The following CNTN4 variants were observed in gnomAD, a reference collection of about 807,000 sequenced individuals.
CNTN4 encodes contactin-4.
A neutral mutation model predicts 122.5 loss-of-function variants in CNTN4; 77 were observed. That is an observed-to-expected ratio of 0.63 (90% CI 0.52 to 0.76). The LOEUF (loss-of-function observed/expected upper bound fraction) is 0.76. Among genes scored for constraint, CNTN4 ranks in the 30% least tolerant of loss-of-function variants. The probability of loss-of-function intolerance (pLI) is 0.00; values close to 1 mark genes in which losing one functional copy is unlikely to be tolerated. For missense variants in CNTN4, 1,256 were observed against 1,259.1 expected (o/e 1.00, Z 0.04); for synonymous variants, 512 against 447.0 (o/e 1.15, Z -1.83).
At chr3:2,576,135 G>A (rs553543419) in intron 4 of CNTN4, among the ~76,000 whole-genome samples, 25 of 151,976 alleles carry the variant, frequency 1.6e-4, no homozygotes, top group South Asian at 8.3e-4. Context: ...ACGCCCAGCC[G>A]CTTTCTTCTT....
At chr3:2,476,549 T>C (rs1575719084) in intron 3 of CNTN4, among the ~76,000 whole-genome samples, 2 of 152,302 alleles carry the variant, frequency 1.3e-5, no homozygotes, top group South Asian at 4.1e-4. Context: ...AACATTTTGC[T>C]AAGTCAATGA....
At chr3:2,535,166 G>T (rs1038095579) in intron 3 of CNTN4, among the ~76,000 whole-genome samples, 6 of 152,088 alleles carry the variant, frequency 3.9e-5, no homozygotes, top group Non-Finnish European at 8.8e-5. Context: ...TTGCCCGTAA[G>T]ATGCCTTTCA....
intron 2 of CNTN4, chr3:2,144,005 C>G (rs1473995009): frequency 6.6e-6 from 1 of 152,172 alleles, no homozygotes; most frequent in Non-Finnish European, 1.5e-5. Flanking sequence ...TCTGAGCCTC[C>G]TTTCTGGGTT....
At chr3:2,136,986 C>T (rs994392741) in intron 2 of CNTN4, among the ~76,000 whole-genome samples, 14 of 152,094 alleles carry the variant, frequency 9.2e-5, no homozygotes, top group South Asian at 4.1e-4. Context: ...AACAACCCAC[C>T]GTTCTTAAAT....
chr3:2,784,907 G>A (rs541955895), intron 6 of CNTN4, among the ~76,000 whole-genome samples: 3 of 152,236 alleles, frequency 2.0e-5, no homozygotes, highest in East Asian at 1.9e-4. Context: ...ATGAGTATAG[G>A]GAAGATTTTA....
intron 13 of CNTN4, among the ~76,000 whole-genome samples, chr3:2,944,498 T>C (rs1303007895): frequency 6.6e-6 from 1 of 152,276 alleles, no homozygotes; most frequent in Non-Finnish European, 1.5e-5. Context: ...TGCTCCTCCA[T>C]AGAACCATTT....
chr3:2,872,866 A>G (rs1366508760), intron 8 of CNTN4, among the ~76,000 whole-genome samples: 1 of 152,184 alleles, frequency 6.6e-6, no homozygotes, highest in African/African-American at 2.4e-5. Context: ...AAAATGTTTA[A>G]AATGTTTATG....
At chr3:2,674,543 G>A (rs750728191) in intron 4 of CNTN4, among the ~76,000 whole-genome samples, 3 of 152,294 alleles carry the variant, frequency 2.0e-5, no homozygotes, top group Middle Eastern at 6.8e-3. Flanking sequence ...GATCACTTGA[G>A]GTCAGGAGTT....
intron 6 of CNTN4, among the ~76,000 whole-genome samples, chr3:2,754,002 G>A (rs937703998): frequency 1.3e-5 from 2 of 152,176 alleles, no homozygotes; most frequent in Non-Finnish European, 2.9e-5. Context: ...CAAGTAGGCT[G>A]TAAAGCATTT....
At chr3:2,714,113 C>G (rs1056104850) in intron 4 of CNTN4, among the ~76,000 whole-genome samples, 6 of 152,112 alleles carry the variant, frequency 3.9e-5, no homozygotes, top group Middle Eastern at 3.2e-3. Flanking sequence ...GTAGTGATCA[C>G]TCATTATTGA....
intron 4 of CNTN4, among the ~76,000 whole-genome samples, chr3:2,684,841 A>G (rs936604194): frequency 6.6e-6 from 1 of 152,216 alleles, no homozygotes; most frequent in African/African-American, 2.4e-5. Context: ...ACAGATTAAA[A>G]TGATAAAAGG....
intron 3 of CNTN4, among the ~76,000 whole-genome samples, chr3:2,463,833 C>T (rs1355674887): frequency 2.6e-5 from 4 of 152,126 alleles, no homozygotes; most frequent in Non-Finnish European, 5.9e-5. Flanking sequence ...TCTCACCCTG[C>T]TTCTTTGTGT....
At chr3:2,372,904 C>T (rs867672396) in intron 3 of CNTN4, among the ~76,000 whole-genome samples, 19 of 152,008 alleles carry the variant, frequency 1.2e-4, no homozygotes, top group South Asian at 8.3e-4. Flanking sequence ...AAAAATTAGC[C>T]AGGCATGGTG....
At chr3:2,688,983 G>T (rs1276321206) in intron 4 of CNTN4, among the ~76,000 whole-genome samples, 3 of 152,140 alleles carry the variant, frequency 2.0e-5, no homozygotes. Context: ...AATTACAGAG[G>T]TCTAATGTAG....
intron 2 of CNTN4, among the ~76,000 whole-genome samples, chr3:2,156,404 G>C (rs992015201): frequency 1.3e-5 from 2 of 152,136 alleles, no homozygotes; most frequent in Non-Finnish European, 2.9e-5. Flanking sequence ...CAATGGTCCC[G>C]CGCCTTCCTC....
chr3:2,191,255 CT>C (rs35365255), intron 2 of CNTN4, among the ~76,000 whole-genome samples: 42,041 of 143,478 alleles, frequency 0.29, 7,256 homozygotes, highest in Non-Finnish European at 0.42. Context: ...TTTAATGTGG[CT>C]TTTTTTTTTT....
At chr3:2,803,751 G>A (rs1451770683) in intron 6 of CNTN4, among the ~76,000 whole-genome samples, 1 of 151,728 alleles carries the variant, frequency 6.6e-6, no homozygotes, top group African/African-American at 2.4e-5. Flanking sequence ...CAGTAGAGAC[G>A]AGTTTCACCA....
intron 3 of CNTN4, among the ~76,000 whole-genome samples, chr3:2,506,081 G>A (rs1007344407): frequency 6.6e-6 from 1 of 151,292 alleles, no homozygotes; most frequent in Non-Finnish European, 1.5e-5. Context: ...ATTTAGCTTT[G>A]TTTCTGCCGG....
At chr3:2,370,628 TGG>T (rs2045595017) in intron 3 of CNTN4, among the ~76,000 whole-genome samples, 1 of 152,234 alleles carries the variant, frequency 6.6e-6, no homozygotes, top group South Asian at 2.1e-4. Context: ...TTGTAGTTTA[TGG>T]AATGAGTCCC....
Sources: gnomAD v4.1 joint callset for allele counts (sites outside exome capture counted in the v4.1 genomes callset) on GRCh38, gnomAD v4.1.1 for gene constraint, MANE v1.5 for transcripts, NCBI Gene and HGNC (gene_info 2026-07-23, HGNC 2026-07-21) for gene names.